DCAF6: variants seen among roughly 807,000 people sequenced by gnomAD.
DCAF6 encodes the protein DDB1- and CUL4-associated factor 6.
In DCAF6, 54 loss-of-function variants were observed where a neutral mutation model predicts 125.1. The ratio of observed to expected loss-of-function variants is 0.43; its 90% CI spans 0.35 to 0.54. The LOEUF (loss-of-function observed/expected upper bound fraction) is 0.54, where lower values mean the gene tolerates loss of function less well. DCAF6 is among the 20% of genes least tolerant of loss of function. DCAF6 has a pLI of 0.01. For synonymous variants in DCAF6, 371 were observed against 390.4 expected (o/e 0.95, Z 0.58); for missense variants, 934 against 1,161.7 (o/e 0.80, Z 2.85).
At chr1:167,955,547 A>G (rs1674643197) in intron 2 of DCAF6, among the ~76,000 whole-genome samples, 1 of 151,112 alleles carries the variant, frequency 6.6e-6, no homozygotes, top group Admixed American at 6.6e-5. Context: ...TATTCTGGAA[A>G]CTTCCTGAAC....
chr1:168,034,340 C>G (rs1687529472), intron 12 of DCAF6, among the ~76,000 whole-genome samples: 2 of 152,108 alleles, frequency 1.3e-5, no homozygotes, highest in African/African-American at 2.4e-5. Context: ...CATAGTGAGA[C>G]TCCATCTCTA....
the DCAF6 span, among the ~76,000 whole-genome samples, chr1:167,912,728 G>A: frequency 6.6e-6 from 1 of 152,114 alleles, no homozygotes; most frequent in Non-Finnish European, 1.5e-5. Context: ...CACTCCACAT[G>A]TGTCTGTGTC....
chr1:167,993,697 C>T (rs1457944501), intron 7 of DCAF6, among the ~76,000 whole-genome samples: 1 of 151,944 alleles, frequency 6.6e-6, no homozygotes, highest in Non-Finnish European at 1.5e-5. Flanking sequence ...TGTGGTGAGC[C>T]GAAATCACGC....
intron 1 of DCAF6, among the ~76,000 whole-genome samples, chr1:167,938,511 G>A (rs965474456): frequency 6.6e-6 from 1 of 152,186 alleles, no homozygotes; most frequent in Non-Finnish European, 1.5e-5. Context: ...CTGTGCATTT[G>A]TTGTAGGATA....
chr1:167,992,278 C>T (rs1326533470), intron 6 of DCAF6, among the ~76,000 whole-genome samples: 1 of 129,380 alleles, frequency 7.7e-6, no homozygotes, highest in Non-Finnish European at 1.7e-5. Flanking sequence ...CACACACACA[C>T]ACACAAACAC....
intron 16 of DCAF6, among the ~76,000 whole-genome samples, chr1:168,046,930 T>C (rs1434068265): frequency 6.6e-6 from 1 of 152,088 alleles, no homozygotes; most frequent in African/African-American, 2.4e-5. Context: ...GTGCCCAGTT[T>C]CTAGTAATGT....
chr1:168,039,341 A>C (rs1403551242), intron 13 of DCAF6, among the ~76,000 whole-genome samples: 1 of 151,522 alleles, frequency 6.6e-6, no homozygotes, highest in East Asian at 1.9e-4. Flanking sequence ...TTAGTATTTA[A>C]TTGATTATTA....
intron 10 of DCAF6, among the ~76,000 whole-genome samples, chr1:168,015,415 A>G (rs551568106): frequency 6.6e-6 from 1 of 152,304 alleles, no homozygotes; most frequent in East Asian, 1.9e-4. Flanking sequence ...ATTTTTGTGT[A>G]TAAATCAGAT....
chr1:168,051,735 A>G (rs1689962890), intron 17 of DCAF6, among the ~76,000 whole-genome samples: 1 of 152,186 alleles, frequency 6.6e-6, no homozygotes, highest in Admixed American at 6.5e-5. Context: ...GTTATGGTTC[A>G]TTGTCAGGAG....
At chr1:168,070,358 T>A (rs947974282) in intron 21 of DCAF6, among the ~76,000 whole-genome samples, 6 of 152,150 alleles carry the variant, frequency 3.9e-5, no homozygotes, top group African/African-American at 1.2e-4. Flanking sequence ...TCCAGTGTCC[T>A]GCAGTCCAAA....
chr1:168,032,368 A>C (rs1486094909), intron 12 of DCAF6, among the ~76,000 whole-genome samples: 1 of 152,232 alleles, frequency 6.6e-6, no homozygotes, highest in Non-Finnish European at 1.5e-5. Context: ...GAATCCAGAT[A>C]TGCTTCCTTA....
chr1:167,996,335 T>G (rs1681692734), intron 7 of DCAF6, among the ~76,000 whole-genome samples: 1 of 152,154 alleles, frequency 6.6e-6, no homozygotes, highest in Admixed American at 6.5e-5. Context: ...TTATTGGGCT[T>G]CTTTGTTGAA....
chr1:168,049,603 A>G (rs112235141), intron 16 of DCAF6, among the ~76,000 whole-genome samples: 1,959 of 149,934 alleles, frequency 0.013, 47 homozygotes, highest in African/African-American at 0.046. Context: ...CCTTGGAATG[A>G]AAAGAGTGTG....
At chr1:167,961,087 T>A (rs1675519843) in intron 2 of DCAF6, among the ~76,000 whole-genome samples, 1 of 152,176 alleles carries the variant, frequency 6.6e-6, no homozygotes, top group African/African-American at 2.4e-5. Flanking sequence ...AAGTGTTTCA[T>A]GTTTTGGAGT....
At chr1:167,916,629 A>G in the DCAF6 span, 1 of 152,240 alleles carries the variant, frequency 6.6e-6, no homozygotes, top group Non-Finnish European at 1.5e-5. Context: ...AGGACTGCCT[A>G]TGATTGTATC....
chr1:168,059,113 A>C (rs919484809), intron 17 of DCAF6, among the ~76,000 whole-genome samples: 9 of 152,026 alleles, frequency 5.9e-5, no homozygotes, highest in African/African-American at 2.2e-4. Context: ...CAAAATTCTT[A>C]TCTGGAATTT....
At chr1:167,951,976 A>G in intron 2 of DCAF6, 115 bp downstream of exon 2, 1 of 583,794 alleles carries the variant, frequency 1.7e-6, no homozygotes, top group South Asian at 2.7e-5. Flanking sequence ...ATGGGAGAAT[A>G]AAGTTTTACA....
intron 8 of DCAF6, among the ~76,000 whole-genome samples, chr1:168,003,029 T>C (rs1682857141): frequency 6.6e-6 from 1 of 152,144 alleles, no homozygotes; most frequent in African/African-American, 2.4e-5. Flanking sequence ...GAAAATAGAA[T>C]TAATCTATGA....
At chr1:167,907,922 C>CA in the DCAF6 span, among the ~76,000 whole-genome samples, 1 of 152,176 alleles carries the variant, frequency 6.6e-6, no homozygotes, top group Non-Finnish European at 1.5e-5. Flanking sequence ...GGTGTCAACT[C>CA]AGAGGTAAGC....
Sources: gnomAD v4.1 joint callset for allele counts (sites outside exome capture counted in the v4.1 genomes callset) on GRCh38, gnomAD v4.1.1 for gene constraint, MANE v1.5 for transcripts, NCBI Gene and HGNC (gene_info 2026-07-23, HGNC 2026-07-21) for gene names.